Variants in TPTE observed in about 807,000 individuals in gnomAD.
The protein encoded by TPTE is putative tyrosine-protein phosphatase TPTE.
Under a neutral mutation model 84.1 loss-of-function variants are expected in TPTE, and 59 were observed. The observed-to-expected ratio is 0.70, with a 90% CI of 0.57 to 0.87. The LOEUF is 0.87. Among genes scored for constraint, TPTE ranks in the 40% least tolerant of loss-of-function variants. The pLI is 0.00. For synonymous variants in TPTE, 130 were observed against 223.5 expected (o/e 0.58, Z 3.73); for missense variants, 382 against 659.6 (o/e 0.58, Z 4.61).
intron 3 of TPTE, among the ~76,000 whole-genome samples, chr21:10,534,225 A>G (rs2074229164): frequency 6.6e-6 from 1 of 152,426 alleles, no homozygotes; most frequent in Non-Finnish European, 1.5e-5. Flanking sequence ...GCAGCATTGG[A>G]GGAGACAGTC....
chr21:10,583,927 A>C (rs1166490523), intron 17 of TPTE, among the ~76,000 whole-genome samples: 34 of 152,348 alleles, frequency 2.2e-4, no homozygotes, highest in African/African-American at 3.1e-4. Flanking sequence ...ATATGTCCTC[A>C]TCATCTTCTT....
At chr21:10,602,670 T>G (rs113145541) in intron 22 of TPTE, 13,584 of 481,048 alleles carry the variant, frequency 0.028, no homozygotes, top group South Asian at 0.063. Flanking sequence ...GGTGACTCAG[T>G]TGGGTGAAAC....
At chr21:10,562,761 G>A (rs2074835027) in intron 10 of TPTE, among the ~76,000 whole-genome samples, 1 of 152,308 alleles carries the variant, frequency 6.6e-6, no homozygotes, top group African/African-American at 2.4e-5. Context: ...CCTGCCTACA[G>A]GATCTAGAAA....
Position 10,552,708 on chromosome 21 carries a change from T to G in TPTE, c.225T>G (p.Ala75=), listed in dbSNP as rs2074600755. 6.2e-7 allele frequency: 1 copy of G among 1,613,774 alleles called. No individual in the cohort carries two copies. Residue 75 remains alanine (A), a synonymous_variant, in exon 8 of 24, where the codon GCT becomes GCG. Transcript: ENST00000618007. ...AAGTTGAAGATGCTGAAAATGTTGC[T>G]TCATATGAGTAAGTCAGTTTGAAGT... ...KFEVEDAENV[A]SYDSKIKKIV...
At chr21:10,546,830 A>G (rs971259694) in intron 7 of TPTE, among the ~76,000 whole-genome samples, 2 of 152,310 alleles carry the variant, frequency 1.3e-5, no homozygotes, top group Admixed American at 6.5e-5. Context: ...AGGTTTGTTC[A>G]TGAGGTTTAA....
intron 12 of TPTE, 43 bp from the exon 13 acceptor site, chr21:10,569,640 T>G: frequency 1.2e-6 from 2 of 1,614,014 alleles, no homozygotes; most frequent in Non-Finnish European, 8.5e-7. Flanking sequence ...TATTTTTATG[T>G]TGATGAGTGT....
chr21:10,557,685 T>C (rs2074710476), intron 8 of TPTE, among the ~76,000 whole-genome samples: 2 of 152,308 alleles, frequency 1.3e-5, no homozygotes, highest in South Asian at 2.1e-4. Context: ...TTAGAAGGAT[T>C]GGGGATTTCT....
intron 17 of TPTE, among the ~76,000 whole-genome samples, chr21:10,578,944 G>T (rs1418885910): frequency 6.6e-6 from 1 of 152,308 alleles, no homozygotes; most frequent in Non-Finnish European, 1.5e-5. Flanking sequence ...GAATATCAGA[G>T]TACTGTTATT....
At chr21:10,549,611 T>G (rs1446481484) in intron 7 of TPTE, among the ~76,000 whole-genome samples, 2 of 152,304 alleles carry the variant, frequency 1.3e-5, no homozygotes, top group Admixed American at 1.3e-4. Flanking sequence ...ATTTCTGAAC[T>G]TGAAGACAAG....
chr21:10,600,017 C>T (rs1174775589), intron 21 of TPTE, among the ~76,000 whole-genome samples: 1 of 152,308 alleles, frequency 6.6e-6, no homozygotes, highest in Admixed American at 6.5e-5. Context: ...GTTGCCCAGG[C>T]TGGTCTCAGA....
chr21:10,588,968 C>T (rs1212271920), intron 17 of TPTE, among the ~76,000 whole-genome samples: 1 of 152,302 alleles, frequency 6.6e-6, no homozygotes, highest in African/African-American at 2.4e-5. Context: ...TCCTTGCAAC[C>T]CAAGCTTTGA....
chr21:10,567,506 A>G (rs2074947950), intron 10 of TPTE, among the ~76,000 whole-genome samples, 164 bp from the exon 11 acceptor site: 1 of 152,310 alleles, frequency 6.6e-6, no homozygotes. Flanking sequence ...AAAACTTCCC[A>G]TGAATGTTAT....
intron 6 of TPTE, among the ~76,000 whole-genome samples, chr21:10,543,014 CTTTTTTTTTTTTTT>C (rs1051322060): frequency 9.7e-5 from 7 of 72,278 alleles, no homozygotes; most frequent in African/African-American, 5.6e-5. Flanking sequence ...TGACTGTATT[CTTTTTTTTTTTTTT>C]TTTTTTTTTT....
At chr21:10,522,071 G>A (rs1222519179) in intron 1 of TPTE, among the ~76,000 whole-genome samples, 1 of 151,798 alleles carries the variant, frequency 6.6e-6, no homozygotes, top group Non-Finnish European at 1.5e-5. Context: ...CCCCGCCCGC[G>A]CCAGCCGGGG....
At chr21:10,537,225 G>A (rs1423835475) in intron 3 of TPTE, among the ~76,000 whole-genome samples, 3 of 152,296 alleles carry the variant, frequency 2.0e-5, no homozygotes, top group African/African-American at 7.2e-5. Context: ...CAATTGTAAA[G>A]AACTAAACAT....
chr21:10,583,586 C>T (rs1266133194), intron 17 of TPTE, among the ~76,000 whole-genome samples: 10 of 152,408 alleles, frequency 6.6e-5, no homozygotes, highest in East Asian at 1.9e-4. Flanking sequence ...GTTGTATTAC[C>T]GTCATATGTA....
At chr21:10,525,763 G>T (rs948280661) in intron 2 of TPTE, among the ~76,000 whole-genome samples, 5 of 152,310 alleles carry the variant, frequency 3.3e-5, no homozygotes, top group Non-Finnish European at 7.3e-5. Flanking sequence ...CATGTCCCAT[G>T]AGGGAAGTCA....
chr21:10,559,201 G>C (rs1466932407), intron 8 of TPTE, among the ~76,000 whole-genome samples: 2 of 152,312 alleles, frequency 1.3e-5, no homozygotes, highest in African/African-American at 2.4e-5. Flanking sequence ...TTGAGATGAT[G>C]ACCACCAGTT....
At position 10,561,038 on chromosome 21, in the gene TPTE, G is replaced by A. The variant is rs746535199; in HGVS notation, c.293G>A (p.Gly98Glu). Residue 98 changes from glycine (G) to glutamate (E), a missense_variant, in exon 10 of 24, where the codon GGA becomes GAA. This residue lies in a region of TPTE where 85 missense variants were observed against 230.9 expected (regional missense o/e 0.37). Transcript: ENST00000618007. ...TTATTTGTTTATTTTAGACTATTTG[G>A]AGTTTTCCTGGTCTTACTGGATGTC... The part of the protein sequence containing the change: ...IVSSFAFGLF[G>E]VFLVLLDVTL... The A allele has an allele frequency of 1.6e-4, 257 of 1,610,878 alleles. No homozygotes were observed. Among genetic ancestry groups the A allele is most frequent in the Middle Eastern group, 9.1e-4 (4 of 4,416 alleles).
Sources: allele counts gnomAD v4.1 joint callset (sites outside exome capture counted in the v4.1 genomes callset), GRCh38; gene constraint gnomAD v4.1.1; regional missense constraint gnomAD v4.1.1; transcripts MANE v1.5; gene names NCBI Gene and HGNC (gene_info 2026-07-23, HGNC 2026-07-21).